The following FLT4 variants were observed in gnomAD, a reference collection of about 807,000 sequenced individuals.
FLT4 encodes the protein fms related receptor tyrosine kinase 4, also known as vascular endothelial growth factor receptor 3.
In FLT4, 30 loss-of-function variants were observed where a neutral mutation model predicts 163.2. The ratio of observed to expected loss-of-function variants is 0.18; its 90% CI spans 0.14 to 0.25. The LOEUF (loss-of-function observed/expected upper bound fraction) is 0.25, where lower values mean the gene tolerates loss of function less well. Among genes scored for constraint, FLT4 ranks in the 10% least tolerant of loss-of-function variants. FLT4 has a pLI of 1.00. For synonymous variants in FLT4, 884 were observed against 789.5 expected, an observed-to-expected ratio of 1.12 and a Z score of -2.01; for missense variants, 1,510 against 1,863.8, an observed-to-expected ratio of 0.81 and a Z score of 3.50.
At chr5:180,638,565 A>G (rs913628879) in intron 1 of FLT4, among the ~76,000 whole-genome samples, 2 of 152,150 alleles carry the variant, frequency 1.3e-5, no homozygotes, top group Non-Finnish European at 2.9e-5. Context: ...TTGTGCTTCA[A>G]TCTCGCCGGT....
chr5:180,625,503 G>A (rs2892266), intron 10 of FLT4, among the ~76,000 whole-genome samples: 1 of 152,202 alleles, frequency 6.6e-6, no homozygotes, highest in Non-Finnish European at 1.5e-5. Context: ...ACCCCCCCAG[G>A]TCCCCACCCC....
Position 180,608,907 on chromosome 5 carries a change from C to T in FLT4, c.3893+61G>A. 3 of 1,406,112 alleles carry T rather than the reference C, an allele frequency of 2.1e-6. No homozygotes were observed. In the South Asian group the frequency reaches 3.4e-5, roughly 16 times the overall value. The allele number at this position is 1,406,112 out of a possible 1,614,324, so 87.1% of individuals were successfully genotyped here. ...GCTGGGCACACCCAGACCCCAGCCT[C>T]CCTCCTCCAGGGGAGGGCAACATCG... On this transcript the variant is annotated intron_variant, in intron 29 of 29. Coordinates refer to ENST00000261937, the MANE Select transcript of FLT4 (RefSeq NM_182925.5).
chr5:180,623,939 T>C lies in FLT4; in HGVS notation c.1544A>G (p.Asn515Ser), dbSNP rs1414549766. The C allele has an allele frequency of 6.2e-7, 1 of 1,613,362 alleles. No homozygotes were observed. The highest frequency in any genetic ancestry group is 8.5e-7 in the Non-Finnish European group (1 of 1,179,950). ...DTWTEFVEGK[N>S]KTVSKLVIQN... ...AGCAGCGCGGCTGGCCTGTACCTTATTCTTTCCCTCCACAAACTCGGTCCA... is the reference window on the plus strand; with the variant it reads ...AGCAGCGCGGCTGGCCTGTACCTTACTCTTTCCCTCCACAAACTCGGTCCA... Residue 515 changes from asparagine to serine, a missense_variant, in exon 11 of 30, where the codon AAT becomes AGT. Physicochemically the swap from Asn to Ser is conservative, Grantham distance 46. This residue lies in a region of FLT4 where 878 missense variants were observed against 1,016.7 expected (regional missense o/e 0.86). Coordinates refer to ENST00000261937, the MANE Select transcript of FLT4 (RefSeq NM_182925.5). The surrounding 1 kb of genome is among the most constrained non-coding windows in gnomAD (Gnocchi z 5.8).
chr5:180,629,084 C>T (rs895401060), intron 7 of FLT4, 85 bp from the exon 8 acceptor site: 12 of 1,464,696 alleles, frequency 8.2e-6, no homozygotes, highest in African/African-American at 2.8e-5. Flanking sequence ...CCTGCAGCCC[C>T]GGCAGCCGGA....
Position 180,649,533 on chromosome 5 carries a change from C to A in FLT4, c.13G>T (p.Ala5Ser), listed in dbSNP as rs566280015. The A allele has an allele frequency of 4.9e-6, 7 of 1,439,464 alleles. No homozygotes were observed. Among genetic ancestry groups the A allele is most frequent in the Non-Finnish European group, 6.4e-6 (7 of 1,096,260 alleles). The allele number at this position is 1,439,464 out of a possible 1,614,324, so 89.2% of individuals were successfully genotyped here. Residue 5 changes from alanine (A) to serine (S), a missense_variant, in exon 1 of 30, where the codon GCC becomes TCC. Physicochemically the swap from Ala to Ser is moderately conservative, Grantham distance 99. Coordinates refer to ENST00000261937, the MANE Select transcript of FLT4 (RefSeq NM_182925.5). MQRGAALCLRLWLCL... is the reference protein window; with the variant it reads MQRGSALCLRLWLCL... ...AGCCACAGTCGCAGGCACAGCGCGG[C>A]GCCCCGCTGCATCTCCGGCCGCTGC...
intron 28 of FLT4, 118 bp from the exon 29 acceptor site, chr5:180,609,171 C>T: frequency 6.2e-6 from 5 of 806,518 alleles, no homozygotes; most frequent in South Asian, 1.4e-5. Context: ...AACACCTGTC[C>T]CTGGGAAGCT....
At chr5:180,642,968 G>A (rs889143821) in intron 1 of FLT4, among the ~76,000 whole-genome samples, 5 of 152,146 alleles carry the variant, frequency 3.3e-5, no homozygotes, top group African/African-American at 1.2e-4. Flanking sequence ...GGTTGCCTCC[G>A]TATTGCCACT....
In FLT4 at chr5:180,628,892, C is replaced by G. The variant is rs369919880; in HGVS notation, c.1093G>C (p.Glu365Gln). 5 of 1,607,892 alleles carry G rather than the reference C, an allele frequency of 3.1e-6. No homozygotes were observed. The highest frequency in any genetic ancestry group is 4.2e-6 in the Non-Finnish European group (5 of 1,177,940). Residue 365 changes from glutamate to glutamine, a missense_variant, in exon 8 of 30, where the codon GAG (glutamate) becomes CAG (glutamine). Physicochemically the swap from Glu to Gln is conservative, Grantham distance 29. Coordinates refer to ENST00000261937, the MANE Select transcript of FLT4 (RefSeq NM_182925.5). ...AGCCAGGGCTGTTACCACTGGAACT[C>G]GGGCGGGGGGTACGCTGCCAGCTTC... ...PVKLAAYPPP[E>Q]FQWYKDGKAL...
chr5:180,609,810 T>C (rs995706904), intron 28 of FLT4, 95 bp downstream of exon 28: 52 of 1,476,396 alleles, frequency 3.5e-5, no homozygotes, highest in Non-Finnish European at 4.6e-5. Context: ...GTCGTTGGGT[T>C]CTGCCATTTG....
At chr5:180,622,905 C>A in intron 11 of FLT4, 66 bp from the exon 12 acceptor site, 5 of 1,083,190 alleles carry the variant, frequency 4.6e-6, no homozygotes, top group South Asian at 1.3e-5. Context: ...CCCTGTCTTT[C>A]TGCAAGGAGG....
In FLT4 at chr5:180,631,692, T is replaced by G; in HGVS notation, c.145A>C (p.Ile49Leu). ...HVIDTGDSLS[I>L]SCRGQHPLEW... ...AGAGGGACCCAGTACCTGCAGGAGATGGACAGGCTGTCACCGGTGTCGATG... is the reference window on the plus strand; with the variant it reads ...AGAGGGACCCAGTACCTGCAGGAGAGGGACAGGCTGTCACCGGTGTCGATG... Residue 49 changes from isoleucine to leucine, a missense_variant, in exon 2 of 30, where the codon ATC (isoleucine) becomes CTC (leucine). Transcript: ENST00000261937. The G allele has an allele frequency of 6.2e-7, 1 of 1,609,634 alleles. No individual in the cohort carries two copies. The highest frequency in any genetic ancestry group is 8.5e-7 in the Non-Finnish European group (1 of 1,179,362).
At chr5:180,644,932 C>T (rs1441250018) in intron 1 of FLT4, among the ~76,000 whole-genome samples, 4 of 152,246 alleles carry the variant, frequency 2.6e-5, no homozygotes, top group Non-Finnish European at 5.9e-5. Flanking sequence ...GCCCCTTCCG[C>T]TTGGAGCAGC....
intron 28 of FLT4, 141 bp downstream of exon 28, chr5:180,609,764 C>T: frequency 1.9e-6 from 2 of 1,064,100 alleles, no homozygotes; most frequent in Non-Finnish European, 2.8e-6. Context: ...CCAAATGTGC[C>T]CAAGGCTCAC....
intron 13 of FLT4, 72 bp from the exon 14 acceptor site, chr5:180,621,324 A>C: frequency 6.5e-7 from 1 of 1,540,644 alleles, no homozygotes; most frequent in Non-Finnish European, 8.8e-7. Flanking sequence ...GGCTGGGAGC[A>C]GAGGTAGAAA....
rs1763020257 is a variant in FLT4 at position 180,620,231 on chromosome 5, G to A, written c.2484C>T (p.Cys828=). 3.1e-6 allele frequency: 5 copies of A among 1,611,678 alleles called. No individual in the cohort carries two copies. The highest frequency in any genetic ancestry group is 1.6e-4 in the Middle Eastern group (1 of 6,062). The change falls in exon 17 of 30, where the codon TGC becomes TGT. Residue 828 remains cysteine, a synonymous_variant. Coordinates refer to ENST00000261937, the MANE Select transcript of FLT4 (RefSeq NM_182925.5). The surrounding 1 kb of genome is among the most constrained non-coding windows in gnomAD (Gnocchi z 4.4). Reference sequence around the variant, plus strand: ...GGCTGGCATCGTAGGACAGGTATTCGCATTGCTCCTCCAGAGGCACCTCCC... The same window carrying A: ...GGCTGGCATCGTAGGACAGGTATTCACATTGCTCCTCCAGAGGCACCTCCC... ...DPGEVPLEEQ[C]EYLSYDASQW... is the part of the protein sequence containing the mutation.
At position 180,602,623 on chromosome 5, in the gene FLT4, T is replaced by C. The variant is rs1386421670; in HGVS notation, c.*569A>G. The stretch of plus-strand genomic sequence containing the variant: ...CCACCCCAGGGGCTAGTTGGCTGTT[T>C]GGTCAGGCCCAGAAGAGGACCCTGC... On this transcript the variant is annotated 3_prime_UTR_variant, in exon 30 of 30. Coordinates refer to ENST00000261937, the MANE Select transcript of FLT4 (RefSeq NM_182925.5). 1 of 405,986 alleles carries C rather than the reference T, an allele frequency of 2.5e-6. No individual in the cohort carries two copies. Among genetic ancestry groups the C allele is most frequent in the Non-Finnish European group, 4.3e-6 (1 of 229,950 alleles). 25.1% of individuals were successfully genotyped at this position (405,986 alleles called of 1,614,324 possible). A position where few individuals can be genotyped will look rare whatever the true frequency, so the allele number is the denominator to read the frequency against.
intron 10 of FLT4, among the ~76,000 whole-genome samples, chr5:180,624,263 G>C (rs919299204): frequency 7.1e-6 from 1 of 140,822 alleles, no homozygotes; most frequent in African/African-American, 2.7e-5. Flanking sequence ...TTTCACTCTT[G>C]TTGCCCAGGC....
chr5:180,627,394 T>C (rs536775386), intron 8 of FLT4, among the ~76,000 whole-genome samples: 2 of 152,314 alleles, frequency 1.3e-5, no homozygotes, highest in Admixed American at 6.5e-5. Context: ...GCTCTGGTCC[T>C]GAGTCTGCCA....
chr5:180,632,836 G>A (rs909659588), intron 1 of FLT4, among the ~76,000 whole-genome samples: 1 of 152,150 alleles, frequency 6.6e-6, no homozygotes, highest in African/African-American at 2.4e-5. Context: ...GCAGGCCCCA[G>A]GGGAGGTCTG....
Sources: allele counts gnomAD v4.1 joint callset (sites outside exome capture counted in the v4.1 genomes callset), GRCh38; gene constraint gnomAD v4.1.1; regional missense constraint gnomAD v4.1.1; non-coding constraint Gnocchi (gnomAD v3.1); transcripts MANE v1.5; gene names NCBI Gene and HGNC (gene_info 2026-07-23, HGNC 2026-07-21).